PTPRN2: variants seen among roughly 807,000 people sequenced by gnomAD.
PTPRN2 encodes the protein receptor-type tyrosine-protein phosphatase N2.
A neutral mutation model predicts 118.8 loss-of-function variants in PTPRN2; 74 were observed. That is an observed-to-expected ratio of 0.62 (90% CI 0.52 to 0.76). PTPRN2 has a LOEUF of 0.76. PTPRN2 is among the 30% of genes least tolerant of loss of function. PTPRN2 has a pLI of 0.00. For missense variants in PTPRN2, 1,481 were observed against 1,394.4 expected (o/e 1.06, Z -0.99); for synonymous variants, 641 against 608.0 (o/e 1.05, Z -0.80).
chr7:158,507,929 C>T (rs146500237), intron 1 of PTPRN2, among the ~76,000 whole-genome samples: 21 of 151,024 alleles, frequency 1.4e-4, no homozygotes, highest in Admixed American at 6.6e-4. Context: ...GACAGCCCTG[C>T]GCTGGGCAGG....
intron 9 of PTPRN2, among the ~76,000 whole-genome samples, chr7:158,118,192 C>A (rs935512990): frequency 6.6e-6 from 1 of 151,954 alleles, no homozygotes; most frequent in Admixed American, 6.5e-5. Context: ...AAATTTTAAA[C>A]AATTATTAGT....
chr7:158,187,764 G>T (rs527544139), intron 5 of PTPRN2, among the ~76,000 whole-genome samples: 2 of 152,262 alleles, frequency 1.3e-5, no homozygotes, highest in South Asian at 4.1e-4. Context: ...GAATGACCAC[G>T]GAGCTCATTA....
At chr7:157,872,450 C>T (rs113933088) in intron 12 of PTPRN2, among the ~76,000 whole-genome samples, 2,636 of 142,676 alleles carry the variant, frequency 0.018, 116 homozygotes, top group East Asian at 0.078. Context: ...GTGTCCTCCC[C>T]ACACACGCAT....
intron 1 of PTPRN2, among the ~76,000 whole-genome samples, chr7:158,512,560 TCACA>T (rs145355140): frequency 4.0e-5 from 6 of 150,876 alleles, no homozygotes; most frequent in Admixed American, 1.3e-4. Flanking sequence ...ACATGCATAG[TCACA>T]CACACACACA....
intron 11 of PTPRN2, among the ~76,000 whole-genome samples, chr7:158,004,410 G>A (rs1394129727): frequency 6.6e-6 from 1 of 152,180 alleles, no homozygotes; most frequent in East Asian, 1.9e-4. Flanking sequence ...TAAAAAACCA[G>A]CAGATTAAAA....
In PTPRN2 at chr7:157,787,177, G is replaced by T. The variant is rs1049686052; in HGVS notation, c.1789-104240C>A. On this transcript the variant is annotated intron_variant, in intron 12 of 22. Coordinates refer to ENST00000389418, the MANE Select transcript of PTPRN2 (RefSeq NM_002847.5). This position sits in a 1 kb window ranked among gnomAD's most constrained non-coding sequence, Gnocchi z 5.3. Reference sequence around the variant, plus strand: ...GACGCGGGTGCGGCGGGGGACGCGGGGGTGGCTGCCCGGGACTGGCTCTTC... The same window carrying T: ...GACGCGGGTGCGGCGGGGGACGCGGTGGTGGCTGCCCGGGACTGGCTCTTC... Among the ~76,000 whole-genome samples the T allele has an allele frequency of 3.3e-5, 5 of 150,012 alleles. No homozygotes were observed. The highest frequency in any genetic ancestry group is 1.2e-4 in the African/African-American group (5 of 41,208).
At chr7:157,910,248 G>T (rs927997466) in intron 11 of PTPRN2, among the ~76,000 whole-genome samples, 3 of 151,930 alleles carry the variant, frequency 2.0e-5, no homozygotes, top group Non-Finnish European at 4.4e-5. Context: ...GATCACGCAC[G>T]TACACCGTGG....
intron 10 of PTPRN2, among the ~76,000 whole-genome samples, chr7:158,097,420 G>C (rs1814720272): frequency 6.6e-6 from 1 of 152,200 alleles, no homozygotes; most frequent in African/African-American, 2.4e-5. Flanking sequence ...ACACAGATGA[G>C]AAAGTAAACG....
At chr7:158,173,021 C>G (rs1823854416) in intron 5 of PTPRN2, among the ~76,000 whole-genome samples, 2 of 151,164 alleles carry the variant, frequency 1.3e-5, no homozygotes, top group South Asian at 4.2e-4. Context: ...CTTCACCATC[C>G]ATAGCAGGAT....
At position 157,609,276 on chromosome 7, in the gene PTPRN2, G is replaced by A. The variant is rs1030188641; in HGVS notation, c.2345-5201C>T. The stretch of plus-strand genomic sequence containing the variant: ...TGGGCGGCTGTAATCCCAGCTACTT[G>A]GGAGGCTGAGGCAGGAGAATTGCTT... On this transcript the variant is annotated intron_variant, in intron 15 of 22. Transcript: ENST00000389418. The surrounding 1 kb of genome is among the most constrained non-coding windows in gnomAD (Gnocchi z 4.9). Among the ~76,000 whole-genome samples the A allele has an allele frequency of 1.3e-5, 2 of 152,106 alleles. No individual in the cohort carries two copies. Among genetic ancestry groups the A allele is most frequent in the South Asian group, 4.1e-4 (2 of 4,820 alleles).
intron 2 of PTPRN2, among the ~76,000 whole-genome samples, chr7:158,424,973 G>C (rs1050478443): frequency 2.0e-5 from 3 of 152,220 alleles, no homozygotes; most frequent in African/African-American, 7.2e-5. Context: ...TCTGGGGCCC[G>C]GGTGTTTCGG....
At chr7:157,830,589 C>T (rs1807500615) in intron 12 of PTPRN2, among the ~76,000 whole-genome samples, 1 of 152,130 alleles carries the variant, frequency 6.6e-6, no homozygotes. Context: ...CCCACAGCTG[C>T]CGGAGGCACA....
chr7:158,281,061 T>C (rs1799392078), intron 3 of PTPRN2, among the ~76,000 whole-genome samples: 1 of 152,216 alleles, frequency 6.6e-6, no homozygotes, highest in South Asian at 2.1e-4. Flanking sequence ...CCCACCACTT[T>C]GGGAGGCCGA....
rs536546444 is a variant in PTPRN2, at chr7:158,086,613, A to C, written c.1644-5236T>G. Among the ~76,000 whole-genome samples the C allele has an allele frequency of 3.3e-4, 50 of 152,292 alleles. 1 individual carries two copies. Among genetic ancestry groups the C allele is most frequent in the Middle Eastern group, 6.8e-3 (2 of 294 alleles). On this transcript the variant is annotated intron_variant, in intron 10 of 22. Transcript: ENST00000389418. ...CAAAACCACCAACGAAAAGCACAAAAAATGTGGAAAATGTGGCACTCAATA... is the reference window on the plus strand; with the variant it reads ...CAAAACCACCAACGAAAAGCACAAACAATGTGGAAAATGTGGCACTCAATA...
chr7:158,200,044 C>T (rs1370706695), intron 4 of PTPRN2, among the ~76,000 whole-genome samples: 3 of 152,198 alleles, frequency 2.0e-5, no homozygotes, highest in South Asian at 4.2e-4. Flanking sequence ...CCACAATCCA[C>T]GTATGAGAAG....
At chr7:157,832,010 G>T (rs1807601207) in intron 12 of PTPRN2, among the ~76,000 whole-genome samples, 1 of 152,286 alleles carries the variant, frequency 6.6e-6, no homozygotes, top group South Asian at 2.1e-4. Context: ...GGCCCTGAGG[G>T]GTCCTCCCGG....
chr7:158,503,642 A>G (rs1822536168), intron 1 of PTPRN2, among the ~76,000 whole-genome samples: 1 of 152,246 alleles, frequency 6.6e-6, no homozygotes, highest in South Asian at 2.1e-4. Flanking sequence ...ACAAAAAGTT[A>G]CAGATATTAG....
In PTPRN2 at chr7:157,958,217, C is replaced by T. The variant is rs1294104298; in HGVS notation, c.1724-59480G>A. Among the ~76,000 whole-genome samples, 4 of 152,238 alleles carry T rather than the reference C, an allele frequency of 2.6e-5. No individual in the cohort carries two copies. The East Asian group carries it at 7.7e-4, about 29-fold the overall frequency. On this transcript the variant is annotated intron_variant, in intron 11 of 22. Coordinates refer to ENST00000389418, the MANE Select transcript of PTPRN2 (RefSeq NM_002847.5). ...TCAACCCTCTTTCATGATAAAAACG[C>T]TCAACAAACTAGGAGTAACAGAAAA...
At chr7:158,098,533 G>A (rs1053511208) in intron 10 of PTPRN2, among the ~76,000 whole-genome samples, 1 of 152,194 alleles carries the variant, frequency 6.6e-6, no homozygotes, top group Non-Finnish European at 1.5e-5. Context: ...GACAGCGAAG[G>A]CGGTGGCCAG....
Sources: allele counts gnomAD v4.1 joint callset (sites outside exome capture counted in the v4.1 genomes callset), GRCh38; gene constraint gnomAD v4.1.1; non-coding constraint Gnocchi (gnomAD v3.1); transcripts MANE v1.5; gene names NCBI Gene and HGNC (gene_info 2026-07-23, HGNC 2026-07-21).